KY: variants seen among roughly 807,000 people sequenced by gnomAD.
The protein encoded by KY is kyphoscoliosis peptidase.
KY carries 43 observed loss-of-function variants against 76.1 expected under a neutral mutation model. The observed-to-expected ratio is 0.57, with a 90% CI of 0.44 to 0.73. KY has a LOEUF of 0.73. KY is among the 30% of genes least tolerant of loss of function. The probability of loss-of-function intolerance (pLI) is 0.00; values close to 1 mark genes in which losing one functional copy is unlikely to be tolerated. For synonymous variants in KY, 277 were observed against 326.2 expected (o/e 0.85, Z 1.63); for missense variants, 722 against 828.9 (o/e 0.87, Z 1.58).
At chr3:134,630,559 G>A (rs535940176) in intron 3 of KY, among the ~76,000 whole-genome samples, 1 of 152,310 alleles carries the variant, frequency 6.6e-6, no homozygotes, top group African/African-American at 2.4e-5. Flanking sequence ...ATTCCATAAA[G>A]TTGTAGATGG....
chr3:134,606,891 C>G, intron 10 of KY: 1 of 983,822 alleles, frequency 1.0e-6, no homozygotes, highest in Non-Finnish European at 1.2e-6. Flanking sequence ...ATCTAGGTGC[C>G]CTCTTCCTTC....
At chr3:134,645,020 A>G (rs1425390086) in intron 2 of KY, among the ~76,000 whole-genome samples, 1 of 152,242 alleles carries the variant, frequency 6.6e-6, no homozygotes, top group African/African-American at 2.4e-5. Flanking sequence ...GAGGGAGGAA[A>G]CAAGATCCGG....
chr3:134,621,516 GC>G (rs1197538192), intron 6 of KY, among the ~76,000 whole-genome samples: 3 of 152,154 alleles, frequency 2.0e-5, no homozygotes, highest in Non-Finnish European at 4.4e-5. Context: ...GTTTCCACAT[GC>G]AAAAGAATAA....
intron 3 of KY, among the ~76,000 whole-genome samples, chr3:134,634,122 A>G (rs1276758583): frequency 2.0e-5 from 3 of 152,234 alleles, no homozygotes; most frequent in Non-Finnish European, 4.4e-5. Flanking sequence ...TGACTTAAAT[A>G]GATGGGGAGA....
At chr3:134,611,046 G>A (rs1960348958) in intron 8 of KY, among the ~76,000 whole-genome samples, 1 of 152,222 alleles carries the variant, frequency 6.6e-6, no homozygotes, top group Non-Finnish European at 1.5e-5. Context: ...TCTGACTGGT[G>A]GGTCTGTCCT....
Position 134,643,337 on chromosome 3 carries a change from T to A in KY, c.241A>T (p.Ile81Phe), listed in dbSNP as rs772439769. Reference sequence around the variant, plus strand: ...TTACCTTGGCTGTTGTAGGAAGTGATGACCTGGGGCTGCTGAGGGTGCTGC... The same window carrying A: ...TTACCTTGGCTGTTGTAGGAAGTGAAGACCTGGGGCTGCTGAGGGTGCTGC... The part of the protein sequence containing the change: ...EKQHPQQPQV[I>F]TSYNSQGTQL... The change falls in exon 3 of 11, where the codon ATC becomes TTC. Residue 81 changes from isoleucine (I) to phenylalanine (F), a missense_variant. Around this residue, in one of 2 missense-constraint regions of KY, gnomAD observed 170 missense variants for 148.1 expected, o/e 1.15. Transcript: ENST00000423778. The A allele has an allele frequency of 6.2e-7, 1 of 1,613,934 alleles. No individual in the cohort carries two copies. The highest frequency in any genetic ancestry group is 8.5e-7 in the Non-Finnish European group (1 of 1,179,878).
At chr3:134,614,619 T>C (rs1961170527) in intron 8 of KY, among the ~76,000 whole-genome samples, 1 of 152,118 alleles carries the variant, frequency 6.6e-6, no homozygotes. Context: ...TGGGTTACCC[T>C]TGATGAACCC....
Position 134,625,037 on chromosome 3 carries a change from C to G in KY, c.483+16G>C, listed in dbSNP as rs760946864. On this transcript the variant is annotated intron_variant, in intron 6 of 10. Coordinates refer to ENST00000423778, the MANE Select transcript of KY (RefSeq NM_178554.6). ...ACCTTGAAGGGGCCCATGGTCAGAGCGGCCAGCTGTCCTACCTGTGAGGCG... is the reference window on the plus strand; with the variant it reads ...ACCTTGAAGGGGCCCATGGTCAGAGGGGCCAGCTGTCCTACCTGTGAGGCG... 3.8e-6 allele frequency: 6 copies of G among 1,578,970 alleles called. No individual in the cohort carries two copies. The African/African-American group carries it at 8.1e-5, about 21-fold the overall frequency.
At position 134,635,129 on chromosome 3, in the gene KY, A is replaced by T. The variant is rs533230222; in HGVS notation, c.263-5434T>A. ...TTGTATAGCAGCTCTATTCATAATC[A>T]CCCTGAACTGGAAACAACTTAAACG... is the stretch of plus-strand genomic sequence containing the variant. On this transcript the variant is annotated intron_variant, in intron 3 of 10. Transcript: ENST00000423778. 3.3e-5 allele frequency among the ~76,000 whole-genome samples: 5 copies of T among 152,314 alleles called. No homozygotes were observed. In the South Asian group the frequency reaches 1.0e-3, roughly 32 times the overall value.
At chr3:134,608,982 C>T in intron 9 of KY, 143 bp from the exon 10 acceptor site, 1 of 931,516 alleles carries the variant, frequency 1.1e-6, no homozygotes, top group South Asian at 1.8e-5. Context: ...GAGACTCCTC[C>T]TCAGTGGATG....
intron 9 of KY, among the ~76,000 whole-genome samples, chr3:134,609,277 C>T (rs1027263783): frequency 2.0e-5 from 3 of 152,168 alleles, no homozygotes; most frequent in Admixed American, 6.5e-5. Context: ...TTGTGGCTCT[C>T]CAGGGCCGAC....
rs1959060960 is a variant in KY, at chr3:134,603,576, C to G, written c.*3G>C. 1 of 1,568,242 alleles carries G rather than the reference C, an allele frequency of 6.4e-7. No homozygotes were observed. Among genetic ancestry groups the G allele is most frequent in the African/African-American group, 1.3e-5 (1 of 74,324 alleles). ...TTGGGAGGGTAAGACCGGGGCACAG[C>G]CCTCACTGGGCATTCACTTTGTATT... On this transcript the variant is annotated 3_prime_UTR_variant, in exon 11 of 11. Transcript: ENST00000423778.
Position 134,604,399 on chromosome 3 carries a change from T to C in KY, c.1166A>G (p.Glu389Gly). ...LFMFMLNGKQ[E>G]HGLLSLRKNG... ...CTTCCTTAGGCTCAGCAGCCCATGC[T>C]CTTGCTTGCCATTGAGCATGAACAT... is the stretch of plus-strand genomic sequence containing the variant. Residue 389 changes from glutamate (E) to glycine (G), a missense_variant, in exon 11 of 11, where the codon GAG becomes GGG. Physicochemically the swap from Glu to Gly is moderately conservative, Grantham distance 98 (BLOSUM62 -2). This residue lies in a region of KY where 552 missense variants were observed against 680.9 expected (regional missense o/e 0.81). Coordinates refer to ENST00000423778, the MANE Select transcript of KY (RefSeq NM_178554.6). 6.2e-7 allele frequency: 1 copy of C among 1,614,006 alleles called. No individual in the cohort carries two copies. Among genetic ancestry groups the C allele is most frequent in the Non-Finnish European group, 8.5e-7 (1 of 1,179,902 alleles).
In KY at chr3:134,642,484, C is replaced by CT. The variant is rs1965887232; in HGVS notation, c.262+831dup. ...CTAACCTGGCCTCCTGTCACCATTGCTGTGGGGCCCTCCTGTCTCTATCTT... is the reference window on the plus strand; with the variant it reads ...CTAACCTGGCCTCCTGTCACCATTGCTTGTGGGGCCCTCCTGTCTCTATCTT... On this transcript the variant is annotated intron_variant, in intron 3 of 10. Coordinates refer to ENST00000423778, the MANE Select transcript of KY (RefSeq NM_178554.6). Among the ~76,000 whole-genome samples the CT allele has an allele frequency of 1.3e-5, 2 of 152,002 alleles. 1 individual carries two copies. The highest frequency in any genetic ancestry group is 2.9e-5 in the Non-Finnish European group (2 of 68,020).
Position 134,608,464 on chromosome 3 carries a change from T to G in KY, c.1090+185A>C, listed in dbSNP as rs989695111. On this transcript the variant is annotated intron_variant, in intron 10 of 10. Coordinates refer to ENST00000423778, the MANE Select transcript of KY (RefSeq NM_178554.6). Reference sequence around the variant, plus strand: ...TGTGGCCTATGGCCCTTCCCTGCCCTGATGGCCTGGGCTGCCTCAGCAGCC... The same window carrying G: ...TGTGGCCTATGGCCCTTCCCTGCCCGGATGGCCTGGGCTGCCTCAGCAGCC... 3 of 1,528,594 alleles carry G rather than the reference T, an allele frequency of 2.0e-6. No individual in the cohort carries two copies. In the African/African-American group the frequency reaches 4.1e-5, roughly 21 times the overall value. 94.7% of individuals were successfully genotyped at this position (1,528,594 alleles called of 1,614,324 possible).
In KY at chr3:134,641,712, C is replaced by T. The variant is rs145653020; in HGVS notation, c.262+1604G>A. Among the ~76,000 whole-genome samples, 13 of 152,266 alleles carry T rather than the reference C, an allele frequency of 8.5e-5. No individual in the cohort carries two copies. In the East Asian group the frequency reaches 2.5e-3, roughly 29 times the overall value. ...TGCTATAGGAAATGAATATACAACC[C>T]CGCACAGCCCCAGACCCCATACCCG... is the stretch of plus-strand genomic sequence containing the variant. On this transcript the variant is annotated intron_variant, in intron 3 of 10. Transcript: ENST00000423778.
At chr3:134,615,191 T>G (rs1450722221) in intron 8 of KY, 1 of 152,416 alleles carries the variant, frequency 6.6e-6, no homozygotes, top group Non-Finnish European at 1.5e-5. Context: ...CAGGGCCCCA[T>G]GCAGAACCTC....
chr3:134,631,947 T>G (rs1964292779), intron 3 of KY, among the ~76,000 whole-genome samples: 1 of 152,106 alleles, frequency 6.6e-6, no homozygotes, highest in South Asian at 2.1e-4. Context: ...GGATCCAACT[T>G]TAACTACTAT....
At chr3:134,647,342 C>T in intron 2 of KY, 93 bp downstream of exon 2, 1 of 1,011,088 alleles carries the variant, frequency 9.9e-7, no homozygotes, top group South Asian at 1.4e-5. Context: ...GGTTAGATGT[C>T]TAGGGCTAGT....
Sources: allele counts gnomAD v4.1 joint callset (sites outside exome capture counted in the v4.1 genomes callset), GRCh38; gene constraint gnomAD v4.1.1; regional missense constraint gnomAD v4.1.1; transcripts MANE v1.5; gene names NCBI Gene and HGNC (gene_info 2026-07-23, HGNC 2026-07-21).